Variants in ZNF536 observed in about 807,000 individuals in gnomAD.
ZNF536 encodes the protein zinc finger protein 536.
In ZNF536, 13 loss-of-function variants were observed where a neutral mutation model predicts 84.5. The ratio of observed to expected loss-of-function variants is 0.15; its 90% CI spans 0.10 to 0.24. The LOEUF is 0.24. Ranked by LOEUF, ZNF536 falls within the 10% of genes least tolerant of loss-of-function variation. The pLI is 1.00. For missense variants in ZNF536, 1,536 were observed against 1,747.5 expected, an observed-to-expected ratio of 0.88 and a Z score of 2.16; for synonymous variants, 811 against 742.5, an observed-to-expected ratio of 1.09 and a Z score of -1.50.
At chr19:30,711,160 T>C (rs2052443078) in exon 2 of ZNF536, 1 of 135,956 alleles carries the variant, frequency 7.4e-6, no homozygotes. Context: ...TATATATATA[T>C]TAAAAAAAAA....
At chr19:30,329,108 G>C (rs533623494) in intron 2 of ZNF536, among the ~76,000 whole-genome samples, 1 of 152,172 alleles carries the variant, frequency 6.6e-6, no homozygotes, top group African/African-American at 2.4e-5. Context: ...TCTAAGAGAG[G>C]CCTCTTAGCC....
At chr19:30,397,009 C>G (rs1017258620) in intron 1 of ZNF536, among the ~76,000 whole-genome samples, 1 of 152,220 alleles carries the variant, frequency 6.6e-6, no homozygotes, top group African/African-American at 2.4e-5. Context: ...GAGCCCAGAG[C>G]TCCCAGTTGG....
intron 2 of ZNF536, among the ~76,000 whole-genome samples, chr19:30,302,917 T>A (rs960981311): frequency 6.6e-6 from 1 of 152,168 alleles, no homozygotes; most frequent in African/African-American, 2.4e-5. Context: ...ACGTCCTTCA[T>A]CCCTTTTTAC....
chr19:30,230,746 AT>A (rs2022974394), intron 1 of ZNF536, among the ~76,000 whole-genome samples: 1 of 152,150 alleles, frequency 6.6e-6, no homozygotes. Flanking sequence ...AACCAAAGAA[AT>A]TTCCATCAGC....
intron 2 of ZNF536, among the ~76,000 whole-genome samples, chr19:30,505,923 C>A (rs2055158409): frequency 6.6e-6 from 1 of 152,246 alleles, no homozygotes; most frequent in African/African-American, 2.4e-5. Context: ...TCCTCAACCT[C>A]CCAAAGTGCT....
chr19:30,410,989 A>G (rs2050472426), intron 1 of ZNF536, among the ~76,000 whole-genome samples: 1 of 152,212 alleles, frequency 6.6e-6, no homozygotes, highest in Non-Finnish European at 1.5e-5. Flanking sequence ...GATCTATTTA[A>G]TTCTCTTAAA....
intron 1 of ZNF536, among the ~76,000 whole-genome samples, chr19:30,657,917 C>A (rs7259977): frequency 1.3e-4 from 20 of 152,250 alleles, no homozygotes; most frequent in Admixed American, 5.9e-4. Context: ...ATCTAACAGA[C>A]CTTACCCAAA....
intron 1 of ZNF536, among the ~76,000 whole-genome samples, chr19:30,387,860 G>C (rs1445051817): frequency 3.9e-5 from 6 of 152,170 alleles, no homozygotes; most frequent in South Asian, 2.1e-4. Flanking sequence ...CTGCTTGAGG[G>C]ATGGGGTTGG....
At chr19:30,393,680 C>G (rs1465329202) in intron 1 of ZNF536, among the ~76,000 whole-genome samples, 5 of 151,944 alleles carry the variant, frequency 3.3e-5, no homozygotes, top group African/African-American at 1.2e-4. Flanking sequence ...TGCACAGACC[C>G]TGTGGCAGAT....
intron 1 of ZNF536, among the ~76,000 whole-genome samples, chr19:30,639,166 G>A (rs7259571): frequency 0.037 from 5,582 of 152,188 alleles, 338 homozygotes; most frequent in African/African-American, 0.13. Flanking sequence ...CAGACATGGC[G>A]TATACAAATT....
intron 1 of ZNF536, among the ~76,000 whole-genome samples, chr19:30,602,640 A>C (rs181715289): frequency 5.3e-5 from 8 of 152,188 alleles, no homozygotes; most frequent in Non-Finnish European, 7.4e-5. Context: ...ATCTTGCTGG[A>C]ATTTTGGGGC....
intron 1 of ZNF536, among the ~76,000 whole-genome samples, chr19:30,657,842 C>T (rs1055151165): frequency 3.2e-4 from 48 of 152,164 alleles, no homozygotes; most frequent in African/African-American, 1.0e-3. Flanking sequence ...ATCCAGAATC[C>T]TTCTTCCCTT....
At chr19:30,605,849 A>G (rs1216603873) in intron 1 of ZNF536, among the ~76,000 whole-genome samples, 2 of 152,166 alleles carry the variant, frequency 1.3e-5, no homozygotes, top group South Asian at 2.1e-4. Flanking sequence ...ACAGATTCCC[A>G]TCTTCCTTCT....
intron 2 of ZNF536, among the ~76,000 whole-genome samples, chr19:30,455,465 GC>G (rs1303723485): frequency 1.3e-5 from 2 of 152,138 alleles, no homozygotes; most frequent in East Asian, 3.9e-4. Flanking sequence ...ACTTTGGGAG[GC>G]CGAGGTGGGC....
intron 2 of ZNF536, among the ~76,000 whole-genome samples, chr19:30,488,191 C>T (rs2054370732): frequency 6.6e-6 from 1 of 152,188 alleles, no homozygotes; most frequent in East Asian, 1.9e-4. Context: ...TCCTGGTGTT[C>T]TAACAGAAAG....
intron 1 of ZNF536, among the ~76,000 whole-genome samples, chr19:30,679,138 G>C (rs1320255394): frequency 6.6e-6 from 1 of 152,058 alleles, no homozygotes; most frequent in African/African-American, 2.4e-5. Context: ...TAAATTCTGA[G>C]GCCACACAGC....
At chr19:30,299,426 T>C (rs1164575097) in intron 2 of ZNF536, among the ~76,000 whole-genome samples, 2 of 152,170 alleles carry the variant, frequency 1.3e-5, no homozygotes, top group Non-Finnish European at 1.5e-5. Context: ...ATGTGTTTTT[T>C]AAACAACAAA....
intron 1 of ZNF536, among the ~76,000 whole-genome samples, chr19:30,279,630 A>G (rs1035712724): frequency 1.3e-5 from 2 of 152,202 alleles, no homozygotes; most frequent in Non-Finnish European, 2.9e-5. Flanking sequence ...TCTCAGAACC[A>G]TGGGAGGGAA....
At chr19:30,244,663 C>T (rs2024148161) in intron 1 of ZNF536, among the ~76,000 whole-genome samples, 1 of 152,208 alleles carries the variant, frequency 6.6e-6, no homozygotes, top group African/African-American at 2.4e-5. Context: ...GCATTGCCAG[C>T]TGTCTTTGCT....
Sources: allele counts gnomAD v4.1 joint callset (sites outside exome capture counted in the v4.1 genomes callset), GRCh38; gene constraint gnomAD v4.1.1; transcripts MANE v1.5; gene names NCBI Gene and HGNC (gene_info 2026-07-23, HGNC 2026-07-21).